Variants in CELF2 observed in about 807,000 individuals in gnomAD.
The protein encoded by CELF2 is CUG triplet repeat RNA-binding protein 2.
CELF2 carries 8 observed loss-of-function variants against 62.6 expected under a neutral mutation model. The ratio of observed to expected loss-of-function variants is 0.13; its 90% confidence interval spans 0.07 to 0.23. The LOEUF is 0.23. Ranked by LOEUF, CELF2 falls within the 10% of genes least tolerant of loss-of-function variation. The probability of loss-of-function intolerance (pLI) is 1.00; values close to 1 mark genes in which losing one functional copy is unlikely to be tolerated. For missense variants in CELF2, 333 were observed against 671.0 expected, an observed-to-expected ratio of 0.50 and a Z score of 5.56; for synonymous variants, 258 against 250.0, an observed-to-expected ratio of 1.03 and a Z score of -0.30.
intron 1 of CELF2, among the ~76,000 whole-genome samples, chr10:10,802,445 G>T (rs1182532968): frequency 6.6e-6 from 1 of 152,154 alleles, no homozygotes; most frequent in Non-Finnish European, 1.5e-5. Context: ...ACTCCAGCCT[G>T]GGTGACAGAG....
chr10:11,211,759 TGTGA>T lies in CELF2; in HGVS notation c.272-5656_272-5653del, dbSNP rs368005042. ...TTATGATTTTAAACACACTACTGTG[TGTGA>T]GTGAGTGAGAGTGTGTGTGTATGTG... On this transcript the variant is annotated intron_variant, in intron 2 of 12. Coordinates refer to ENST00000633077, the MANE Select transcript of CELF2 (RefSeq NM_001326342.2). This position sits in a 1 kb window ranked among gnomAD's most constrained non-coding sequence, Gnocchi z 4.8. 9.5e-4 allele frequency among the ~76,000 whole-genome samples: 145 copies of T among 152,070 alleles called. No individual in the cohort carries two copies. The highest frequency in any genetic ancestry group is 5.2e-3 in the East Asian group (27 of 5,166).
chr10:10,522,809 A>T, the CELF2 span, among the ~76,000 whole-genome samples: 1 of 152,156 alleles, frequency 6.6e-6, no homozygotes, highest in Non-Finnish European at 1.5e-5. Flanking sequence ...ACTTTAAGTG[A>T]TCCACCTGCC....
the CELF2 span, among the ~76,000 whole-genome samples, chr10:10,482,470 T>TA: frequency 6.6e-6 from 1 of 152,226 alleles, no homozygotes; most frequent in African/African-American, 2.4e-5. Context: ...GTTAAAGTGT[T>TA]AAAAAAGTTT....
chr10:10,839,050 G>A (rs983666437), intron 1 of CELF2, among the ~76,000 whole-genome samples: 1 of 152,196 alleles, frequency 6.6e-6, no homozygotes, highest in Non-Finnish European at 1.5e-5. Flanking sequence ...GGAGGCTGAA[G>A]CAGGAGAATT....
rs182962329 is a variant in CELF2, at chr10:10,853,243, A to C, written c.53+54426A>C. ...CAATCTGCCCACCTTGGCCTCTGAA[A>C]GTGCTGGGATTACAGGTGTAAGGCA... On this transcript the variant is annotated intron_variant, in intron 1 of 13. Transcript: ENST00000636488. 4.0e-3 allele frequency among the ~76,000 whole-genome samples: 616 copies of C among 152,296 alleles called. 5 individuals carry two copies. Among genetic ancestry groups the C allele is most frequent in the African/African-American group, 0.014 (594 of 41,566 alleles).
At chr10:10,499,541 A>C in the CELF2 span, among the ~76,000 whole-genome samples, 1 of 152,032 alleles carries the variant, frequency 6.6e-6, no homozygotes, top group Non-Finnish European at 1.5e-5. Context: ...AAAGAATGGC[A>C]ATGTGGAGCT....
chr10:10,800,545 G>A (rs191549257), intron 1 of CELF2, among the ~76,000 whole-genome samples: 9 of 152,254 alleles, frequency 5.9e-5, no homozygotes, highest in African/African-American at 7.2e-5. Context: ...TAGAGACAGA[G>A]TTTCACCATG....
At chr10:11,106,481 C>T (rs545438377) in intron 1 of CELF2, among the ~76,000 whole-genome samples, 1 of 152,330 alleles carries the variant, frequency 6.6e-6, no homozygotes, top group Admixed American at 6.5e-5. Context: ...AAGTGATCTG[C>T]CCTCCTCAGC....
exon 1 of CELF2, chr10:10,798,807 A>G: frequency 5.0e-6 from 2 of 398,706 alleles, no homozygotes; most frequent in Non-Finnish European, 8.8e-6. Flanking sequence ...GAAAAACTGG[A>G]AAGTTTTAAG....
the CELF2 span, among the ~76,000 whole-genome samples, chr10:10,741,231 G>C: frequency 1.3e-5 from 2 of 151,950 alleles, no homozygotes; most frequent in Non-Finnish European, 2.9e-5. Flanking sequence ...AAAAAAAACA[G>C]GCCGGGTGCG....
chr10:10,613,563 A>T, the CELF2 span, among the ~76,000 whole-genome samples: 2 of 152,190 alleles, frequency 1.3e-5, no homozygotes, highest in Non-Finnish European at 2.9e-5. Flanking sequence ...TAGTAGTTTT[A>T]TTGTTTAATT....
chr10:10,515,440 A>C, the CELF2 span, among the ~76,000 whole-genome samples: 1 of 152,326 alleles, frequency 6.6e-6, no homozygotes, highest in South Asian at 2.1e-4. Context: ...GTTTTCAAGC[A>C]CTGGTATATA....
chr10:10,653,371 T>A, the CELF2 span, among the ~76,000 whole-genome samples: 1 of 148,520 alleles, frequency 6.7e-6, no homozygotes, highest in Non-Finnish European at 1.5e-5. Flanking sequence ...GTGGACCTAA[T>A]AGACATTTAC....
chr10:11,051,691 G>C (rs543097879), intron 1 of CELF2, among the ~76,000 whole-genome samples: 1 of 152,304 alleles, frequency 6.6e-6, no homozygotes, highest in African/African-American at 2.4e-5. Flanking sequence ...ACAATTACAA[G>C]CTAGTTTAAA....
At chr10:10,479,443 A>T in the CELF2 span, among the ~76,000 whole-genome samples, 1 of 152,226 alleles carries the variant, frequency 6.6e-6, no homozygotes, top group African/African-American at 2.4e-5. Context: ...CTGGGATTAC[A>T]GGCATGAGCC....
chr10:10,759,601 G>C, the CELF2 span, among the ~76,000 whole-genome samples: 2 of 151,922 alleles, frequency 1.3e-5, no homozygotes, highest in African/African-American at 4.8e-5. Context: ...GAACTACCAC[G>C]TCTGACCTAG....
chr10:11,117,452 T>C lies in CELF2; in HGVS notation c.75-48034T>C, dbSNP rs1347666569. Among the ~76,000 whole-genome samples the C allele has an allele frequency of 6.6e-6, 1 of 152,222 alleles. No homozygotes were observed. The highest frequency in any genetic ancestry group is 1.5e-5 in the Non-Finnish European group (1 of 68,032). ...AGGAATGAAGATGCTCAAGGAGGCC[T>C]TGCTGTCTACCTGTGCTACCAGCTT... On this transcript the variant is annotated intron_variant, in intron 1 of 12. Coordinates refer to ENST00000633077, the MANE Select transcript of CELF2 (RefSeq NM_001326342.2). This position sits in a 1 kb window ranked among gnomAD's most constrained non-coding sequence, Gnocchi z 4.1.
chr10:10,511,094 T>C, the CELF2 span, among the ~76,000 whole-genome samples: 1 of 152,182 alleles, frequency 6.6e-6, no homozygotes, highest in Non-Finnish European at 1.5e-5. Context: ...TAGAGAGTTA[T>C]ATGATCTCTT....
chr10:11,335,049 A>AG lies in CELF2; in HGVS notation c.*6001dup, dbSNP rs2096093852. 6.6e-6 allele frequency: 1 copy of AG among 152,232 alleles called. No homozygotes were observed. Among genetic ancestry groups the AG allele is most frequent in the Admixed American group, 6.5e-5 (1 of 15,282 alleles). The allele number at this position is 152,232 out of a possible 1,614,324, so 9.4% of individuals were successfully genotyped here. On this transcript the variant is annotated 3_prime_UTR_variant, in exon 13 of 13. Coordinates refer to ENST00000633077, the MANE Select transcript of CELF2 (RefSeq NM_001326342.2). This position sits in a 1 kb window ranked among gnomAD's most constrained non-coding sequence, Gnocchi z 5.0. ...AAGCTGTACTCAGTCCGGTGGAGGC[A>AG]GGGGGAGGTAAAGTTTCTCACACTC... is the stretch of plus-strand genomic sequence containing the variant.
Sources: allele counts gnomAD v4.1 joint callset (sites outside exome capture counted in the v4.1 genomes callset), GRCh38; gene constraint gnomAD v4.1.1; non-coding constraint Gnocchi (gnomAD v3.1); transcripts MANE v1.5; gene names NCBI Gene and HGNC (gene_info 2026-07-23, HGNC 2026-07-21).